Variants in PARL observed in about 807,000 individuals in gnomAD.
PARL encodes the protein presenilin associated rhomboid like.
In PARL, 44 loss-of-function variants were observed where a neutral mutation model predicts 51.6. The ratio of observed to expected loss-of-function variants is 0.85; its 90% CI spans 0.67 to 1.10. The LOEUF is 1.10. Among genes scored for constraint, PARL ranks in the 50% least tolerant of loss-of-function variants. PARL has a pLI of 0.00. For synonymous variants in PARL, 172 were observed against 164.0 expected, an observed-to-expected ratio of 1.05 and a Z score of -0.37; for missense variants, 441 against 469.5, an observed-to-expected ratio of 0.94 and a Z score of 0.56.
At chr3:183,860,814 CTTT>C (rs11405513) in intron 4 of PARL, among the ~76,000 whole-genome samples, 14 of 126,712 alleles carry the variant, frequency 1.1e-4, no homozygotes, top group African/African-American at 2.7e-4. Context: ...AATTTCGTTA[CTTT>C]TTTTTTTTTT....
chr3:183,852,998 C>A (rs940305686), intron 4 of PARL, among the ~76,000 whole-genome samples: 1 of 151,972 alleles, frequency 6.6e-6, no homozygotes, highest in Non-Finnish European at 1.5e-5. Flanking sequence ...GATTAAAGAC[C>A]TAAATGTTAG....
intron 1 of PARL, among the ~76,000 whole-genome samples, chr3:183,880,413 G>A (rs1167548298): frequency 1.3e-5 from 2 of 150,812 alleles, no homozygotes; most frequent in Non-Finnish European, 3.0e-5. Flanking sequence ...TTTTTTTTCC[G>A]TTTTTAAGAC....
intron 4 of PARL, among the ~76,000 whole-genome samples, chr3:183,844,963 A>G (rs749319180): frequency 2.6e-5 from 4 of 152,242 alleles, no homozygotes; most frequent in Non-Finnish European, 4.4e-5. Flanking sequence ...TTTATTCGAT[A>G]ATATAATTAA....
At chr3:183,839,313 A>G (rs1729016808) in intron 7 of PARL, among the ~76,000 whole-genome samples, 1 of 152,242 alleles carries the variant, frequency 6.6e-6, no homozygotes, top group Admixed American at 6.5e-5. Context: ...TAGTATTTAA[A>G]TAAGTACAAA....
At chr3:183,835,417 C>T (rs1001531204) in intron 7 of PARL, among the ~76,000 whole-genome samples, 1 of 152,020 alleles carries the variant, frequency 6.6e-6, no homozygotes, top group Non-Finnish European at 1.5e-5. Flanking sequence ...GTCCCCAGTC[C>T]CTCATATAAC....
chr3:183,836,326 A>T (rs1728587319), intron 7 of PARL, among the ~76,000 whole-genome samples: 1 of 151,854 alleles, frequency 6.6e-6, no homozygotes, highest in African/African-American at 2.4e-5. Context: ...TTATCTGTAC[A>T]ATTCCATGGA....
intron 1 of PARL, among the ~76,000 whole-genome samples, chr3:183,882,823 A>C (rs889889514): frequency 6.6e-6 from 1 of 152,190 alleles, no homozygotes; most frequent in African/African-American, 2.4e-5. Flanking sequence ...TGTAAAATGC[A>C]AATTCCTGGT....
chr3:183,862,724 A>C (rs757750997), intron 4 of PARL, 29 bp downstream of exon 4: 5 of 1,588,716 alleles, frequency 3.1e-6, no homozygotes, highest in Non-Finnish European at 4.3e-6. Context: ...CTTCCCTTGA[A>C]TGGTTAAAAC....
chr3:183,857,999 C>T (rs954132941), intron 4 of PARL, among the ~76,000 whole-genome samples: 4 of 152,184 alleles, frequency 2.6e-5, no homozygotes, highest in Admixed American at 2.0e-4. Context: ...GTTACTTGGC[C>T]GTTCCTTGCC....
intron 1 of PARL, among the ~76,000 whole-genome samples, chr3:183,870,421 A>G (rs979755749): frequency 7.3e-5 from 11 of 151,688 alleles, no homozygotes; most frequent in Non-Finnish European, 1.3e-4. Context: ...ACTTTCCTTA[A>G]CTTCAAACAC....
At chr3:183,826,748 CAG>C (rs1485082057), downstream of PARL, 2 of 985,302 alleles carry the variant, frequency 2.0e-6, no homozygotes, top group Non-Finnish European at 2.4e-6. Flanking sequence ...AAATGACACA[CAG>C]GGGCCGGGTC....
intron 1 of PARL, among the ~76,000 whole-genome samples, chr3:183,872,007 T>A (rs1171513173): frequency 6.6e-6 from 1 of 151,678 alleles, no homozygotes; most frequent in Non-Finnish European, 1.5e-5. Flanking sequence ...TGCATTTTTT[T>A]TTTTTTTTTT....
At chr3:183,855,879 G>T (rs1476569291) in intron 4 of PARL, among the ~76,000 whole-genome samples, 1 of 151,162 alleles carries the variant, frequency 6.6e-6, no homozygotes, top group East Asian at 2.0e-4. Flanking sequence ...AGAATCACCT[G>T]AATCCGGGAG....
intron 4 of PARL, among the ~76,000 whole-genome samples, chr3:183,859,608 G>A (rs1731574071): frequency 6.6e-6 from 1 of 152,084 alleles, no homozygotes; most frequent in African/African-American, 2.4e-5. Flanking sequence ...CAAAGTGCTG[G>A]GATTACAGGC....
intron 1 of PARL, among the ~76,000 whole-genome samples, chr3:183,874,697 G>A (rs1384506411): frequency 6.6e-6 from 1 of 152,144 alleles, no homozygotes; most frequent in Non-Finnish European, 1.5e-5. Context: ...AAATAATTAA[G>A]CTTAGTGAAG....
At chr3:183,847,110 G>C (rs1001164720) in intron 4 of PARL, among the ~76,000 whole-genome samples, 7 of 152,226 alleles carry the variant, frequency 4.6e-5, no homozygotes, top group African/African-American at 1.7e-4. Context: ...GGCAATCCTA[G>C]GCCTACTGAG....
At chr3:183,835,437 G>A (rs1356619011) in intron 7 of PARL, among the ~76,000 whole-genome samples, 1 of 152,150 alleles carries the variant, frequency 6.6e-6, no homozygotes, top group Non-Finnish European at 1.5e-5. Context: ...CTGCCAAGTG[G>A]CCTCAACAGG....
intron 1 of PARL, among the ~76,000 whole-genome samples, chr3:183,876,713 C>A (rs891842085): frequency 1.3e-5 from 2 of 149,004 alleles, no homozygotes; most frequent in African/African-American, 4.9e-5. Flanking sequence ...AGTGATTTTT[C>A]TGATGGATCT....
chr3:183,844,218 A>T lies in PARL; in HGVS notation c.607+13T>A. 2.0e-6 allele frequency: 3 copies of T among 1,499,008 alleles called. No homozygotes were observed. The highest frequency in any genetic ancestry group is 2.8e-6 in the Non-Finnish European group (3 of 1,076,386). 92.9% of individuals were successfully genotyped at this position (1,499,008 alleles called of 1,614,324 possible). On this transcript the variant is annotated intron_variant, in intron 5 of 9. Coordinates refer to ENST00000317096, the MANE Select transcript of PARL (RefSeq NM_018622.7). ...TTTCTACCTTAAAATAAATTCACAC[A>T]AGTTAGACTTACTTGAGGCTGGATT... is the stretch of plus-strand genomic sequence containing the variant.
Sources: allele counts gnomAD v4.1 joint callset (sites outside exome capture counted in the v4.1 genomes callset), GRCh38; gene constraint gnomAD v4.1.1; transcripts MANE v1.5; gene names NCBI Gene and HGNC (gene_info 2026-07-23, HGNC 2026-07-21).